OSBPL3: variants seen among roughly 807,000 people sequenced by gnomAD.
OSBPL3 encodes the protein oxysterol-binding protein-related protein 3.
In OSBPL3, 65 loss-of-function variants were observed where a neutral mutation model predicts 120.1. The observed-to-expected ratio is 0.54, with a 90% CI of 0.44 to 0.67. The LOEUF (loss-of-function observed/expected upper bound fraction) is 0.67, where lower values mean the gene tolerates loss of function less well. Among genes scored for constraint, OSBPL3 ranks in the 30% least tolerant of loss-of-function variants. The probability of loss-of-function intolerance (pLI) is 0.00; values close to 1 mark genes in which losing one functional copy is unlikely to be tolerated. For missense variants in OSBPL3, 1,004 were observed against 1,082.1 expected (o/e 0.93, Z 1.01); for synonymous variants, 416 against 402.6 (o/e 1.03, Z -0.40).
At chr7:24,975,065 T>G (rs542355912) in intron 1 of OSBPL3, among the ~76,000 whole-genome samples, 1 of 152,276 alleles carries the variant, frequency 6.6e-6, no homozygotes, top group South Asian at 2.1e-4. Flanking sequence ...TCAGAAAGGG[T>G]CTTTCAAATC....
chr7:24,924,295 C>T (rs118), intron 1 of OSBPL3, among the ~76,000 whole-genome samples: 98,813 of 152,056 alleles, frequency 0.65, 33,307 homozygotes, highest in East Asian at 0.91. Context: ...AATAGGAGGC[C>T]ACATTTGGGT....
intron 1 of OSBPL3, among the ~76,000 whole-genome samples, chr7:24,905,343 G>C (rs1418026151): frequency 6.6e-6 from 1 of 152,066 alleles, no homozygotes; most frequent in East Asian, 1.9e-4. Context: ...ATGGGTTCTG[G>C]ATACCAATTT....
rs1362239273 is a variant in OSBPL3, at chr7:24,842,338, G to A, written c.1342C>T (p.Leu448Phe). ...NESRLSITDS[L>F]SEFFDAQEVL... is the part of the protein sequence containing the mutation. ...TCCTGAGCATCAAAAAACTCAGAAA[G>A]GGAGTCAGTGATGGAGAGTCTACTT... The change falls in exon 13 of 23, where the codon CTT becomes TTT. Residue 448 changes from leucine to phenylalanine, a missense_variant. Transcript: ENST00000313367. 1 of 1,613,138 alleles carries A rather than the reference G, an allele frequency of 6.2e-7. No individual in the cohort carries two copies. The highest frequency in any genetic ancestry group is 2.2e-5 in the East Asian group (1 of 44,848).
rs867991754 is a variant in OSBPL3 at position 24,806,701 on chromosome 7, C to T, written c.2444+75G>A. On this transcript the variant is annotated intron_variant, in intron 21 of 22. Transcript: ENST00000313367. The surrounding 1 kb of genome is among the most constrained non-coding windows in gnomAD (Gnocchi z 5.2). ...CACCTTTCTCAGGTGCCTCTGGTGG[C>T]CTAAGGATTGTTAATAAGACTTTTT... 4.2e-6 allele frequency: 6 copies of T among 1,415,044 alleles called. No individual in the cohort carries two copies. In the South Asian group the frequency reaches 6.6e-5, roughly 16 times the overall value. 87.7% of individuals were successfully genotyped at this position (1,415,044 alleles called of 1,614,324 possible).
chr7:24,968,562 A>G lies in OSBPL3; in HGVS notation c.-150+11324T>C, dbSNP rs1322422083. On this transcript the variant is annotated intron_variant, in intron 1 of 22. Coordinates refer to ENST00000313367, the MANE Select transcript of OSBPL3 (RefSeq NM_015550.4). The surrounding 1 kb of genome is among the most constrained non-coding windows in gnomAD (Gnocchi z 4.6). Reference sequence around the variant, plus strand: ...CAGGCACACACCACCACGCCCAGCTAATTTTTTTATTTTTAGTACAGACAG... The same window carrying G: ...CAGGCACACACCACCACGCCCAGCTGATTTTTTTATTTTTAGTACAGACAG... Among the ~76,000 whole-genome samples the G allele has an allele frequency of 6.6e-6, 1 of 152,096 alleles. No individual in the cohort carries two copies. Among genetic ancestry groups the G allele is most frequent in the Non-Finnish European group, 1.5e-5 (1 of 68,018 alleles).
chr7:24,960,053 C>T (rs971649962), intron 1 of OSBPL3, among the ~76,000 whole-genome samples: 1 of 152,138 alleles, frequency 6.6e-6, no homozygotes, highest in African/African-American at 2.4e-5. Flanking sequence ...CTTAAATGAA[C>T]CTTCTGTTGA....
Position 24,930,604 on chromosome 7 carries a change from A to C in OSBPL3, c.-149-37983T>G, listed in dbSNP as rs566396186. Among the ~76,000 whole-genome samples, 1 of 152,290 alleles carries C rather than the reference A, an allele frequency of 6.6e-6. No homozygotes were observed. Among genetic ancestry groups the C allele is most frequent in the Non-Finnish European group, 1.5e-5 (1 of 68,008 alleles). On this transcript the variant is annotated intron_variant, in intron 1 of 22. Transcript: ENST00000313367. This position sits in a 1 kb window ranked among gnomAD's most constrained non-coding sequence, Gnocchi z 4.4. Reference sequence around the variant, plus strand: ...TGTACTTCAAAGGGCCTCTTACCTAAGGGGGAAATGAAGAATAAAGCCATC... The same window carrying C: ...TGTACTTCAAAGGGCCTCTTACCTACGGGGGAAATGAAGAATAAAGCCATC...
intron 1 of OSBPL3, among the ~76,000 whole-genome samples, chr7:24,897,211 G>C (rs1806273280): frequency 6.6e-6 from 1 of 151,956 alleles, no homozygotes; most frequent in Non-Finnish European, 1.5e-5. Context: ...CTCCACAGAT[G>C]TAAAGGCTCA....
chr7:24,977,661 C>CCTGGCTAACA, intron 1 of OSBPL3, among the ~76,000 whole-genome samples: 1 of 152,150 alleles, frequency 6.6e-6, no homozygotes, highest in East Asian at 1.9e-4. Context: ...TCGAGACCAC[C>CCTGGCTAACA]CTGGCTAACA....
intron 1 of OSBPL3, among the ~76,000 whole-genome samples, chr7:24,910,688 T>A (rs1043992162): frequency 2.6e-5 from 4 of 152,094 alleles, no homozygotes; most frequent in Non-Finnish European, 5.9e-5. Context: ...CACCCCAGGG[T>A]GGGCCATCTG....
At chr7:24,971,231 T>A (rs1022813283) in intron 1 of OSBPL3, among the ~76,000 whole-genome samples, 17 of 152,248 alleles carry the variant, frequency 1.1e-4, no homozygotes, top group African/African-American at 4.1e-4. Context: ...TGTACCCCAG[T>A]TCTGCCACTT....
chr7:24,864,196 C>T (rs920722205), intron 7 of OSBPL3, among the ~76,000 whole-genome samples: 10 of 152,220 alleles, frequency 6.6e-5, no homozygotes, highest in Admixed American at 6.5e-4. Flanking sequence ...GACTCTCCAA[C>T]CAGATCCCAG....
intron 10 of OSBPL3, among the ~76,000 whole-genome samples, chr7:24,856,827 G>A (rs1799896246): frequency 6.6e-6 from 1 of 151,902 alleles, no homozygotes; most frequent in Admixed American, 6.6e-5. Context: ...AATATATCTG[G>A]GACACTCTGA....
intron 1 of OSBPL3, among the ~76,000 whole-genome samples, chr7:24,928,443 G>A (rs1404388073): frequency 8.6e-5 from 13 of 152,026 alleles, no homozygotes; most frequent in Non-Finnish European, 1.8e-4. Context: ...TGCCCACCTT[G>A]GCCTCCCAAA....
At chr7:24,951,618 G>A (rs1814449336) in intron 1 of OSBPL3, among the ~76,000 whole-genome samples, 1 of 152,018 alleles carries the variant, frequency 6.6e-6, no homozygotes, top group South Asian at 2.1e-4. Context: ...CACACACACA[G>A]GATTTTCTTC....
chr7:24,840,695 G>A lies in OSBPL3; in HGVS notation c.1490C>T (p.Thr497Ile). Residue 497 changes from threonine (T) to isoleucine (I), a missense_variant, in exon 14 of 23, where the codon ACC becomes ATC. Thr to Ile is a moderately conservative substitution (Grantham distance 89). Coordinates refer to ENST00000313367, the MANE Select transcript of OSBPL3 (RefSeq NM_015550.4). The part of the protein sequence containing the change: ...LSNDLDNERQ[T>I]LGPVLDSGRE... ...TTAAATAATGTAAATCTTACCCAAG[G>A]TCTGTCTCTCATTATCTAAATCATT... 1 of 1,334,180 alleles carries A rather than the reference G, an allele frequency of 7.5e-7. No homozygotes were observed. The highest frequency in any genetic ancestry group is 1.3e-5 in the South Asian group (1 of 76,072). 82.6% of individuals were successfully genotyped at this position (1,334,180 alleles called of 1,614,324 possible).
In OSBPL3 at chr7:24,822,091, C is replaced by T. The variant is rs988258758; in HGVS notation, c.1885-1853G>A. Reference sequence around the variant, plus strand: ...GTCATGCTATGTTGCCCAGACTGGTCCGGAACTCCTGGCCTCAAGTGATCT... The same window carrying T: ...GTCATGCTATGTTGCCCAGACTGGTTCGGAACTCCTGGCCTCAAGTGATCT... On this transcript the variant is annotated intron_variant, in intron 16 of 22. Transcript: ENST00000313367. This position sits in a 1 kb window ranked among gnomAD's most constrained non-coding sequence, Gnocchi z 5.8. Among the ~76,000 whole-genome samples the T allele has an allele frequency of 5.9e-5, 9 of 152,092 alleles. No homozygotes were observed. Among genetic ancestry groups the T allele is most frequent in the Non-Finnish European group, 1.3e-4 (9 of 68,018 alleles).
chr7:24,928,997 G>C (rs1004849280), intron 1 of OSBPL3, among the ~76,000 whole-genome samples: 6 of 152,104 alleles, frequency 3.9e-5, no homozygotes, highest in Non-Finnish European at 8.8e-5. Context: ...TTTCTCTTGG[G>C]TAAATACAAA....
At chr7:24,839,042 C>T (rs538938836) in intron 14 of OSBPL3, among the ~76,000 whole-genome samples, 1 of 152,322 alleles carries the variant, frequency 6.6e-6, no homozygotes, top group African/African-American at 2.4e-5. Context: ...CTTTCTTCCC[C>T]TATACTGCGG....
Sources: allele counts gnomAD v4.1 joint callset (sites outside exome capture counted in the v4.1 genomes callset), GRCh38; gene constraint gnomAD v4.1.1; non-coding constraint Gnocchi (gnomAD v3.1); transcripts MANE v1.5; gene names NCBI Gene and HGNC (gene_info 2026-07-23, HGNC 2026-07-21).